The following RGS6 variants were observed in gnomAD, a reference collection of about 807,000 sequenced individuals.
RGS6 encodes the protein regulator of G-protein signaling 6.
RGS6 carries 30 observed loss-of-function variants against 78.5 expected under a neutral mutation model. The ratio of observed to expected loss-of-function variants is 0.38; its 90% CI spans 0.29 to 0.52. The LOEUF (loss-of-function observed/expected upper bound fraction) is 0.52, where lower values mean the gene tolerates loss of function less well. Among genes scored for constraint, RGS6 ranks in the 20% least tolerant of loss-of-function variants. The pLI is 0.85. For synonymous variants in RGS6, 206 were observed against 206.0 expected, an observed-to-expected ratio of 1.00 and a Z score of 0.00; for missense variants, 495 against 609.7, an observed-to-expected ratio of 0.81 and a Z score of 1.98.
chr14:72,291,664 T>C (rs2063599801), intron 2 of RGS6, among the ~76,000 whole-genome samples: 1 of 152,260 alleles, frequency 6.6e-6, no homozygotes, highest in East Asian at 1.9e-4. Context: ...CCTAGAAAGA[T>C]AGAGCAGAGT....
intron 2 of RGS6, among the ~76,000 whole-genome samples, chr14:72,192,998 T>C (rs2097347379): frequency 6.6e-6 from 1 of 151,540 alleles, no homozygotes; most frequent in South Asian, 2.1e-4. Flanking sequence ...TTTTTTTTCT[T>C]TCTTTTTTTT....
chr14:72,489,161 C>CCCCT (rs1019318917), intron 12 of RGS6, among the ~76,000 whole-genome samples: 18 of 150,018 alleles, frequency 1.2e-4, no homozygotes, highest in Non-Finnish European at 2.2e-4. Flanking sequence ...AGGGGGCCCC[C>CCCCT]CCACCGGCTG....
At chr14:72,444,963 C>T (rs1419229282) in intron 3 of RGS6, among the ~76,000 whole-genome samples, 1 of 152,240 alleles carries the variant, frequency 6.6e-6, no homozygotes, top group South Asian at 2.1e-4. Context: ...AGCAGGCTCA[C>T]CCTGCAGTCT....
intron 2 of RGS6, among the ~76,000 whole-genome samples, chr14:72,348,799 G>A (rs1463888400): frequency 6.6e-6 from 1 of 152,190 alleles, no homozygotes. Context: ...TCTGATAAAT[G>A]CATTTTTTCA....
chr14:71,987,676 C>T (rs1010399107), intron 2 of RGS6, among the ~76,000 whole-genome samples: 9 of 152,116 alleles, frequency 5.9e-5, no homozygotes, highest in Admixed American at 5.9e-4. Flanking sequence ...TGCACCACCA[C>T]ACCTGGCTAA....
At chr14:72,284,859 A>C (rs2062228101) in intron 2 of RGS6, among the ~76,000 whole-genome samples, 1 of 152,164 alleles carries the variant, frequency 6.6e-6, no homozygotes, top group Non-Finnish European at 1.5e-5. Flanking sequence ...GGCTGCCCAT[A>C]GGAACCCACC....
At chr14:72,239,421 G>A (rs1271840644) in intron 2 of RGS6, among the ~76,000 whole-genome samples, 1 of 152,176 alleles carries the variant, frequency 6.6e-6, no homozygotes, top group African/African-American at 2.4e-5. Flanking sequence ...TAACAGATGT[G>A]CCTCATCAGG....
intron 2 of RGS6, among the ~76,000 whole-genome samples, chr14:72,144,628 C>T (rs765876130): frequency 6.6e-6 from 1 of 152,160 alleles, no homozygotes; most frequent in Non-Finnish European, 1.5e-5. Context: ...ATCCACTCAG[C>T]TAATATTTAT....
chr14:72,160,560 G>A (rs1411699162), intron 2 of RGS6, among the ~76,000 whole-genome samples: 1 of 152,162 alleles, frequency 6.6e-6, no homozygotes, highest in African/African-American at 2.4e-5. Flanking sequence ...ATCTCAGAAT[G>A]TGACTGTATT....
intron 3 of RGS6, among the ~76,000 whole-genome samples, chr14:72,380,619 G>A (rs911028080): frequency 6.6e-6 from 1 of 152,082 alleles, no homozygotes; most frequent in African/African-American, 2.4e-5. Flanking sequence ...AAACCACAAT[G>A]AGGTATCATT....
chr14:72,429,312 G>C (rs190535493), intron 3 of RGS6, among the ~76,000 whole-genome samples: 1 of 152,196 alleles, frequency 6.6e-6, no homozygotes, highest in Non-Finnish European at 1.5e-5. Flanking sequence ...TTTAAATTAG[G>C]CATTCTTAAC....
rs2096986471 is a variant in RGS6 at position 72,518,685 on chromosome 14, A to G, written c.1278+148A>G. 5 of 734,136 alleles carry G rather than the reference A, an allele frequency of 6.8e-6. No homozygotes were observed. The Admixed American group carries it at 8.7e-5, about 13-fold the overall frequency. The allele number at this position is 734,136 out of a possible 1,614,324, so 45.5% of individuals were successfully genotyped here. ...TTCATCAGTGGAAACCATTTCAGATAGGCGCACAGCAAAATCCCAGGATCG... is the reference window on the plus strand; with the variant it reads ...TTCATCAGTGGAAACCATTTCAGATGGGCGCACAGCAAAATCCCAGGATCG... On this transcript the variant is annotated intron_variant, in intron 15 of 17. Coordinates refer to ENST00000553525, the MANE Select transcript of RGS6 (RefSeq NM_001204424.2).
At chr14:71,871,752 A>T in the RGS6 span, among the ~76,000 whole-genome samples, 9 of 152,008 alleles carry the variant, frequency 5.9e-5, no homozygotes, top group East Asian at 1.7e-3. Flanking sequence ...TGCTGTTCCC[A>T]TGTCTATTAC....
Position 72,494,166 on chromosome 14 carries a change from T to C in RGS6, c.855-986T>C, listed in dbSNP as rs553133428. On this transcript the variant is annotated intron_variant, in intron 12 of 17. Coordinates refer to ENST00000553525, the MANE Select transcript of RGS6 (RefSeq NM_001204424.2). ...GTTTAAGGTATAAAAAAATGATTGC[T>C]AGATGTTTTACAGGTTTGTTAAAAC... 8.5e-5 allele frequency among the ~76,000 whole-genome samples: 13 copies of C among 152,358 alleles called. 3 individuals carry two copies. In the Middle Eastern group the frequency reaches 0.041, roughly 478 times the overall value.
the RGS6 span, among the ~76,000 whole-genome samples, chr14:72,573,226 G>C: frequency 1.5e-3 from 230 of 152,270 alleles, no homozygotes; most frequent in Non-Finnish European, 2.5e-3. Context: ...CAGCATAAGA[G>C]AGCTATTCAC....
chr14:71,925,693 G>T, the RGS6 span, among the ~76,000 whole-genome samples: 4 of 101,796 alleles, frequency 3.9e-5, no homozygotes, highest in Non-Finnish European at 7.9e-5. Flanking sequence ...TGGTGCCTTT[G>T]TCAAAAATTA....
intron 2 of RGS6, among the ~76,000 whole-genome samples, chr14:72,339,764 G>T (rs1567796813): frequency 6.6e-6 from 1 of 152,128 alleles, no homozygotes; most frequent in African/African-American, 2.4e-5. Flanking sequence ...GGTGTGTTCG[G>T]AGGCAGCATT....
chr14:71,973,832 C>T (rs973653146), intron 2 of RGS6, among the ~76,000 whole-genome samples: 2 of 152,138 alleles, frequency 1.3e-5, no homozygotes, highest in Non-Finnish European at 2.9e-5. Context: ...ATTAGACTTG[C>T]TGGAAGAAAA....
At chr14:72,319,636 C>T (rs541724167) in intron 2 of RGS6, among the ~76,000 whole-genome samples, 2 of 151,758 alleles carry the variant, frequency 1.3e-5, no homozygotes, top group East Asian at 1.9e-4. Flanking sequence ...CCACCGCACC[C>T]GGCCTGAAGG....
Sources: allele counts gnomAD v4.1 joint callset (sites outside exome capture counted in the v4.1 genomes callset), GRCh38; gene constraint gnomAD v4.1.1; transcripts MANE v1.5; gene names NCBI Gene and HGNC (gene_info 2026-07-23, HGNC 2026-07-21).